P2RX7: variants seen among roughly 807,000 people sequenced by gnomAD.
P2RX7 encodes the protein purinergic receptor P2X 7.
A neutral mutation model predicts 71.6 loss-of-function variants in P2RX7; 62 were observed. That is an observed-to-expected ratio of 0.87 (90% CI 0.71 to 1.07). The LOEUF is 1.07. Ranked by LOEUF, P2RX7 falls within the 50% of genes least tolerant of loss-of-function variation. The pLI, the probability that P2RX7 is intolerant of heterozygous loss-of-function variation, is 0.00. For missense variants in P2RX7, 686 were observed against 748.5 expected, an observed-to-expected ratio of 0.92 and a Z score of 0.97; for synonymous variants, 299 against 283.3, an observed-to-expected ratio of 1.06 and a Z score of -0.56.
chr12:121,163,597 GTAGATAGATAGATAGATAGA>G (rs3078807), intron 5 of P2RX7, among the ~76,000 whole-genome samples: 3,739 of 130,230 alleles, frequency 0.029, 166 homozygotes, highest in African/African-American at 0.096. Context: ...AGATAGACAG[GTAGATAGATAGATAGATAGA>G]TAGATAGATA....
intron 12 of P2RX7, among the ~76,000 whole-genome samples, 187 bp from the exon 13 acceptor site, chr12:121,184,118 C>T (rs576545140): frequency 3.6e-4 from 54 of 151,944 alleles, no homozygotes; most frequent in East Asian, 5.8e-4. Flanking sequence ...ATCTCACAAG[C>T]GTCTTCAAAG....
rs773073736 is a variant in P2RX7, at chr12:121,132,990, G to A, written c.20G>A (p.Cys7Tyr). 6.2e-7 allele frequency: 1 copy of A among 1,614,064 alleles called. No homozygotes were observed. Among genetic ancestry groups the A allele is most frequent in the East Asian group, 2.2e-5 (1 of 44,882 alleles). The change falls in exon 1 of 13, where the codon TGC becomes TAC. Residue 7 changes from cysteine to tyrosine, a missense_variant. By Grantham distance (194) the Cys-to-Tyr change is radical. Coordinates refer to ENST00000328963, the MANE Select transcript of P2RX7 (RefSeq NM_002562.6). MPACCS[C>Y]SDVFQYETNK... ...GTCACCATGCCGGCCTGCTGCAGCTGCAGTGATGTTTTCCAGTATGAGACG... is the reference window on the plus strand; with the variant it reads ...GTCACCATGCCGGCCTGCTGCAGCTACAGTGATGTTTTCCAGTATGAGACG...
At chr12:121,144,364 A>AT (rs1288364567) in intron 1 of P2RX7, among the ~76,000 whole-genome samples, 1 of 152,022 alleles carries the variant, frequency 6.6e-6, no homozygotes, top group East Asian at 1.9e-4. Flanking sequence ...CACCTGGCTA[A>AT]TTTTTGTACT....
intron 11 of P2RX7, among the ~76,000 whole-genome samples, chr12:121,178,994 T>C (rs939125644): frequency 2.6e-5 from 4 of 151,652 alleles, no homozygotes. Context: ...CACACACACA[T>C]ACATATACAT....
At position 121,167,472 on chromosome 12, in the gene P2RX7, C is replaced by T. The variant is rs553366458; in HGVS notation, c.745-16C>T. On this transcript the variant is annotated splice_polypyrimidine_tract_variant and intron_variant, in intron 7 of 12. Transcript: ENST00000328963. Reference sequence around the variant, plus strand: ...CACCCAGCAGCCATAGAGACTGTCCCTTGTTGATCCTTCAGGGCGGAATAA... The same window carrying T: ...CACCCAGCAGCCATAGAGACTGTCCTTTGTTGATCCTTCAGGGCGGAATAA... 12 of 1,613,670 alleles carry T rather than the reference C, an allele frequency of 7.4e-6. No individual in the cohort carries two copies. The East Asian group carries it at 2.5e-4, about 33-fold the overall frequency.
intron 1 of P2RX7, among the ~76,000 whole-genome samples, chr12:121,145,234 G>A (rs556216316): frequency 7.9e-5 from 12 of 152,336 alleles, no homozygotes; most frequent in African/African-American, 2.9e-4. Flanking sequence ...GCGATCCAGT[G>A]AAAGTCAGGC....
chr12:121,174,183 G>C (rs1882697788), intron 8 of P2RX7, among the ~76,000 whole-genome samples: 1 of 150,964 alleles, frequency 6.6e-6, no homozygotes. Context: ...GAGTAGCTGG[G>C]ATTACAGGTG....
intron 1 of P2RX7, among the ~76,000 whole-genome samples, chr12:121,148,549 T>C (rs558881001): frequency 3.5e-4 from 53 of 152,234 alleles, no homozygotes; most frequent in Non-Finnish European, 4.6e-4. Context: ...TTTTAACCCT[T>C]GATTTTTACC....
intron 1 of P2RX7, among the ~76,000 whole-genome samples, chr12:121,146,353 C>T (rs1055033121): frequency 2.9e-4 from 38 of 132,650 alleles, no homozygotes; most frequent in African/African-American, 1.1e-3. Flanking sequence ...GAGGGCATGG[C>T]ACAATCTCAG....
At position 121,165,536 on chromosome 12, in the gene P2RX7, C is replaced by A. The variant is rs945230724; in HGVS notation, c.614+99C>A. On this transcript the variant is annotated intron_variant, in intron 6 of 12. Coordinates refer to ENST00000328963, the MANE Select transcript of P2RX7 (RefSeq NM_002562.6). ...TGAAACAACAAACGCCTATTGTCTC[C>A]CACGGTTTCTGTGGGTCAGGAATCT... 5 of 944,486 alleles carry A rather than the reference C, an allele frequency of 5.3e-6. No homozygotes were observed. The Admixed American group carries it at 1.0e-4, about 19-fold the overall frequency. The allele number at this position is 944,486 out of a possible 1,614,324, so 58.5% of individuals were successfully genotyped here. A position where few individuals can be genotyped will look rare whatever the true frequency, so the allele number is the denominator to read the frequency against.
At position 121,154,679 on chromosome 12, in the gene P2RX7, G is replaced by A. The variant is rs1878195415; in HGVS notation, c.126-106G>A. 7 of 777,646 alleles carry A rather than the reference G, an allele frequency of 9.0e-6. No individual in the cohort carries two copies. The highest frequency in any genetic ancestry group is 3.5e-5 in the Admixed American group (2 of 56,944). 48.2% of individuals were successfully genotyped at this position (777,646 alleles called of 1,614,324 possible). On this transcript the variant is annotated intron_variant, in intron 1 of 12. Transcript: ENST00000328963. This position sits in a 1 kb window ranked among gnomAD's most constrained non-coding sequence, Gnocchi z 4.2. ...AACAAGTCACACGGAAGCAAGTCAC[G>A]CAGCAGAGCTAGGATTGGAACAGAA...
At chr12:121,143,043 T>C (rs2135996347) in intron 1 of P2RX7, among the ~76,000 whole-genome samples, 1 of 149,636 alleles carries the variant, frequency 6.7e-6, no homozygotes, top group South Asian at 2.1e-4. Flanking sequence ...ATTATGCCAC[T>C]GCACTTCCAG....
At chr12:121,171,475 T>G (rs376217403) in intron 8 of P2RX7, among the ~76,000 whole-genome samples, 1 of 151,100 alleles carries the variant, frequency 6.6e-6, no homozygotes, top group Non-Finnish European at 1.5e-5. Context: ...AGCGATTTGA[T>G]CTCTCCTTTA....
Position 121,165,429 on chromosome 12 carries a change from C to G in P2RX7, c.606C>G (p.Asn202Lys). The G allele has an allele frequency of 1.2e-6, 2 of 1,613,796 alleles. No individual in the cohort carries two copies. The highest frequency in any genetic ancestry group is 2.2e-5 in the East Asian group (1 of 44,880). The part of the protein sequence containing the change: ...IKNNIDFPGH[N>K]YTTRNILPGL... ...ACAATATCGACTTCCCCGGCCACAA[C>G]TACACCACGTAAGTGCCCAGGCTGC... The change falls in exon 6 of 13, where the codon AAC becomes AAG. Residue 202 changes from asparagine (N) to lysine (K), a missense_variant. Transcript: ENST00000328963.
At chr12:121,146,823 GCATCTCCCTGAGAT>G (rs891134654) in intron 1 of P2RX7, among the ~76,000 whole-genome samples, 6 of 152,336 alleles carry the variant, frequency 3.9e-5, no homozygotes, top group African/African-American at 1.2e-4. Context: ...CAGCCTGAGT[GCATCTCCCTGAGAT>G]CAGGAACAGG....
chr12:121,178,791 CA>C (rs386377968), intron 11 of P2RX7, among the ~76,000 whole-genome samples: 1,015 of 66,502 alleles, frequency 0.015, 3 homozygotes, highest in African/African-American at 0.043. Flanking sequence ...AACTCTGTCT[CA>C]AAAAAAAAAA....
chr12:121,173,017 C>T, intron 8 of P2RX7, among the ~76,000 whole-genome samples: 1 of 152,148 alleles, frequency 6.6e-6, no homozygotes, highest in Non-Finnish European at 1.5e-5. Flanking sequence ...TTTAAGCCTC[C>T]TTAATTATTC....
intron 12 of P2RX7, among the ~76,000 whole-genome samples, chr12:121,181,582 A>C (rs1288597388): frequency 6.6e-6 from 1 of 152,206 alleles, no homozygotes; most frequent in Non-Finnish European, 1.5e-5. Flanking sequence ...ATGGCCAGGC[A>C]TGGTGGCTCA....
Position 121,166,040 on chromosome 12 carries a change from G to C in P2RX7, c.615-18G>C. On this transcript the variant is annotated intron_variant, in intron 6 of 12. Coordinates refer to ENST00000328963, the MANE Select transcript of P2RX7 (RefSeq NM_002562.6). ...AATCGAGATGTTTGTTTGTTTGTTTGCTTTTAATTATGCACAGGAGAAACA... is the reference window on the plus strand; with the variant it reads ...AATCGAGATGTTTGTTTGTTTGTTTCCTTTTAATTATGCACAGGAGAAACA... 1 of 1,607,252 alleles carries C rather than the reference G, an allele frequency of 6.2e-7. No individual in the cohort carries two copies. Among genetic ancestry groups the C allele is most frequent in the East Asian group, 2.2e-5 (1 of 44,778 alleles).
Sources: gnomAD v4.1 joint callset for allele counts (sites outside exome capture counted in the v4.1 genomes callset) on GRCh38, gnomAD v4.1.1 for gene constraint, Gnocchi (gnomAD v3.1) non-coding constraint, MANE v1.5 for transcripts, NCBI Gene and HGNC (gene_info 2026-07-23, HGNC 2026-07-21) for gene names.